The following PLXNC1 variants were observed in gnomAD, a reference collection of about 807,000 sequenced individuals.
PLXNC1 encodes the protein plexin-C1.
Under a neutral mutation model 178.2 loss-of-function variants are expected in PLXNC1, and 75 were observed. The ratio of observed to expected loss-of-function variants is 0.42; its 90% confidence interval spans 0.35 to 0.51. The LOEUF (loss-of-function observed/expected upper bound fraction) is 0.51. Among genes scored for constraint, PLXNC1 ranks in the 20% least tolerant of loss-of-function variants. The pLI is 0.02. For missense variants in PLXNC1, 1,503 were observed against 1,984.4 expected (o/e 0.76, Z 4.61); for synonymous variants, 790 against 779.9 (o/e 1.01, Z -0.22).
At chr12:94,181,218 T>C (rs1291679613) in intron 2 of PLXNC1, among the ~76,000 whole-genome samples, 1 of 151,870 alleles carries the variant, frequency 6.6e-6, no homozygotes, top group Non-Finnish European at 1.5e-5. Flanking sequence ...GCCAACGTAG[T>C]GAAACCCCAT....
rs117597163 is a variant in PLXNC1 at position 94,157,509 on chromosome 12, T to G, written c.1062+7476T>G. Among the ~76,000 whole-genome samples the G allele has an allele frequency of 9.5e-3, 1,440 of 152,328 alleles. 15 individuals carry two copies. Among genetic ancestry groups the G allele is most frequent in the Non-Finnish European group, 0.013 (876 of 68,030 alleles). On this transcript the variant is annotated intron_variant, in intron 1 of 30. Transcript: ENST00000258526. ...TATTATGTTTTTTATGAAATGTGCTTATCATTTTTCTTAGTTTTAATTTTC... is the reference window on the plus strand; with the variant it reads ...TATTATGTTTTTTATGAAATGTGCTGATCATTTTTCTTAGTTTTAATTTTC...
chr12:94,231,610 G>A (rs1191505382), intron 9 of PLXNC1, among the ~76,000 whole-genome samples: 2 of 152,126 alleles, frequency 1.3e-5, no homozygotes, highest in Non-Finnish European at 2.9e-5. Flanking sequence ...ACCTACTCCT[G>A]TATCCTGACC....
chr12:94,277,524 A>G (rs569583897), intron 21 of PLXNC1, among the ~76,000 whole-genome samples: 4 of 152,320 alleles, frequency 2.6e-5, no homozygotes, highest in African/African-American at 9.6e-5. Flanking sequence ...CCCTCTTTGC[A>G]GATGAGAAAG....
chr12:94,279,867 G>T, intron 22 of PLXNC1: 1 of 687,442 alleles, frequency 1.5e-6, no homozygotes, highest in Non-Finnish European at 2.7e-6. Flanking sequence ...CTTCAAAGAT[G>T]GCGTTTGTTG....
At chr12:94,232,936 C>G (rs1964143353) in intron 9 of PLXNC1, among the ~76,000 whole-genome samples, 1 of 152,184 alleles carries the variant, frequency 6.6e-6, no homozygotes. Context: ...CATTACCCTA[C>G]ATTGTATGCC....
At chr12:94,296,953 C>G (rs1160398151) in intron 24 of PLXNC1, among the ~76,000 whole-genome samples, 2 of 152,116 alleles carry the variant, frequency 1.3e-5, no homozygotes, top group Middle Eastern at 3.2e-3. Flanking sequence ...AGCAAGAGAT[C>G]AGAGATCACT....
At chr12:94,165,339 C>T (rs1422723735) in intron 1 of PLXNC1, among the ~76,000 whole-genome samples, 1 of 152,172 alleles carries the variant, frequency 6.6e-6, no homozygotes, top group East Asian at 1.9e-4. Flanking sequence ...TCAAAGGGTT[C>T]CTTTTCCCAT....
chr12:94,303,749 T>TCCCCC lies in PLXNC1; in HGVS notation c.4387-3_4387-2insCCCCC, dbSNP rs67648319. The TCCCCC allele has an allele frequency of 7.5e-7, 1 of 1,328,474 alleles. No homozygotes were observed. Among genetic ancestry groups the TCCCCC allele is most frequent in the African/African-American group, 1.6e-5 (1 of 62,506 alleles). 82.3% of individuals were successfully genotyped at this position (1,328,474 alleles called of 1,614,324 possible). ...GATGGTTGCTTTTTTTTTTTTTTTT[T>TCCCCC]CCCCAGGAAGCACCAACTAATAAGC... On this transcript the variant is annotated splice_polypyrimidine_tract_variant and splice_region_variant and intron_variant, in intron 28 of 30. Coordinates refer to ENST00000258526, the MANE Select transcript of PLXNC1 (RefSeq NM_005761.3).
At position 94,248,332 on chromosome 12, in the gene PLXNC1, C is replaced by A. The variant is rs1268438854; in HGVS notation, c.2698C>A (p.Gln900Lys). 1.2e-6 allele frequency: 2 copies of A among 1,613,646 alleles called. No individual in the cohort carries two copies. Among genetic ancestry groups the A allele is most frequent in the Non-Finnish European group, 1.7e-6 (2 of 1,179,742 alleles). Reference sequence around the variant, plus strand: ...CAGTTTTGAAAATATTACTAGAAATCAAGATCTTACCACCATCCTTTGCAA... The same window carrying A: ...CAGTTTTGAAAATATTACTAGAAATAAAGATCTTACCACCATCCTTTGCAA... ...NCSFENITRN[Q>K]DLTTILCKIK... is the part of the protein sequence containing the mutation. Residue 900 changes from glutamine (Q) to lysine (K), a missense_variant, in exon 14 of 31, where the codon CAA (glutamine) becomes AAA (lysine). Physicochemically the swap from Gln to Lys is moderately conservative, Grantham distance 53. Coordinates refer to ENST00000258526, the MANE Select transcript of PLXNC1 (RefSeq NM_005761.3).
At chr12:94,244,066 G>T in intron 12 of PLXNC1, 41 bp downstream of exon 12, 3 of 1,238,620 alleles carry the variant, frequency 2.4e-6, no homozygotes, top group Non-Finnish European at 3.5e-6. Context: ...TGTTTTCAAG[G>T]ATGGTTCTAT....
intron 2 of PLXNC1, among the ~76,000 whole-genome samples, chr12:94,178,500 A>T (rs1387835084): frequency 6.6e-6 from 1 of 152,192 alleles, no homozygotes; most frequent in Non-Finnish European, 1.5e-5. Context: ...TTCCCTATAC[A>T]ACTGCTTTCC....
At chr12:94,274,155 T>TAAAAAAAAAAAAAAAAAAAAAAAAAAAAA (rs3060881) in intron 21 of PLXNC1, among the ~76,000 whole-genome samples, 1 of 45,376 alleles carries the variant, frequency 2.2e-5, no homozygotes, top group African/African-American at 1.2e-4. Flanking sequence ...ACCCTGTCTC[T>TAAAAAAAAAAAAAAAAAAAAAAAAAAAAA]AAAAAAAAAA....
intron 4 of PLXNC1, among the ~76,000 whole-genome samples, chr12:94,208,025 G>A (rs1025838734): frequency 3.3e-5 from 5 of 152,068 alleles, no homozygotes; most frequent in African/African-American, 9.7e-5. Context: ...AGATACAACC[G>A]AAAGAACCAG....
At chr12:94,287,776 C>T (rs896978217) in intron 23 of PLXNC1, among the ~76,000 whole-genome samples, 5 of 152,188 alleles carry the variant, frequency 3.3e-5, no homozygotes, top group African/African-American at 9.6e-5. Context: ...ACTGGACAAT[C>T]GCTAAAGGTC....
chr12:94,249,318 C>T (rs2054723), intron 14 of PLXNC1, among the ~76,000 whole-genome samples: 20,623 of 152,066 alleles, frequency 0.14, 1,488 homozygotes, highest in Non-Finnish European at 0.15. Context: ...CAGCAACCTC[C>T]GCTTCCCAGT....
chr12:94,149,398 A>G lies in PLXNC1; in HGVS notation c.427A>G (p.Ser143Gly). 7.0e-7 allele frequency: 1 copy of G among 1,431,458 alleles called. No homozygotes were observed. The allele number at this position is 1,431,458 out of a possible 1,614,324, so 88.7% of individuals were successfully genotyped here. A position where few individuals can be genotyped will look rare whatever the true frequency, so the allele number is the denominator to read the frequency against. The change falls in exon 1 of 31, where the codon AGC becomes GGC. Residue 143 changes from serine (S) to glycine (G), a missense_variant. Ser to Gly is a moderately conservative substitution (Grantham distance 56). This residue lies in a region of PLXNC1 where 73 missense variants were observed against 125.4 expected (regional missense o/e 0.58). Transcript: ENST00000258526. Reference protein sequence around the residue: ...ACEVRPLGNLSRNSLRNGTEV... With the variant: ...ACEVRPLGNLGRNSLRNGTEV... ...CGAGGTGCGGCCCCTGGGCAACCTG[A>G]GCCGCAACTCCCTGCGCAACGGCAC...
chr12:94,225,464 A>G (rs150042785), intron 7 of PLXNC1, among the ~76,000 whole-genome samples: 39 of 152,342 alleles, frequency 2.6e-4, no homozygotes, highest in African/African-American at 9.1e-4. Context: ...AATTATTGCT[A>G]AGAAACAGAA....
intron 21 of PLXNC1, chr12:94,278,144 AC>A: frequency 2.9e-6 from 1 of 342,532 alleles, no homozygotes; most frequent in Non-Finnish European, 5.6e-6. Flanking sequence ...GCTCCTTAAA[AC>A]CAAAAAAAAC....
rs368589185 is a variant in PLXNC1, at chr12:94,186,092, C to A, written c.1339-281C>A. The A allele has an allele frequency of 2.2e-5, 6 of 279,028 alleles. No homozygotes were observed. The South Asian group carries it at 3.0e-4, about 14-fold the overall frequency. 17.3% of individuals were successfully genotyped at this position (279,028 alleles called of 1,614,324 possible). A position where few individuals can be genotyped will look rare whatever the true frequency, so the allele number is the denominator to read the frequency against. On this transcript the variant is annotated intron_variant, in intron 3 of 30. Coordinates refer to ENST00000258526, the MANE Select transcript of PLXNC1 (RefSeq NM_005761.3). ...GACCCTGTGTCTTTAAGAAAAAAAT[C>A]TTTTAAATGAAAAAATACAACTTCC... is the stretch of plus-strand genomic sequence containing the variant.
Sources: allele counts gnomAD v4.1 joint callset (sites outside exome capture counted in the v4.1 genomes callset), GRCh38; gene constraint gnomAD v4.1.1; regional missense constraint gnomAD v4.1.1; transcripts MANE v1.5; gene names NCBI Gene and HGNC (gene_info 2026-07-23, HGNC 2026-07-21).